ACSM1: variants seen among roughly 807,000 people sequenced by gnomAD.
ACSM1 encodes the protein acyl-coenzyme A synthetase ACSM1, mitochondrial.
Under a neutral mutation model 75.8 loss-of-function variants are expected in ACSM1, and 79 were observed. The observed-to-expected ratio is 1.04, with a 90% CI of 0.87 to 1.26. The LOEUF is 1.26. Among genes scored for constraint, ACSM1 ranks in the 50% most tolerant of loss-of-function variants. ACSM1 has a pLI of 0.00. For synonymous variants in ACSM1, 279 were observed against 265.8 expected, an observed-to-expected ratio of 1.05 and a Z score of -0.48; for missense variants, 676 against 720.1, an observed-to-expected ratio of 0.94 and a Z score of 0.70.
chr16:20,627,370 G>A (rs1307242134), intron 10 of ACSM1, 54 bp from the exon 11 acceptor site: 2 of 1,515,188 alleles, frequency 1.3e-6, no homozygotes, highest in African/African-American at 2.9e-5. Context: ...GAGGTGATGA[G>A]CCACAACCTT....
intron 4 of ACSM1, 123 bp downstream of exon 4, chr16:20,682,133 C>T: frequency 1.1e-6 from 1 of 899,074 alleles, no homozygotes. Context: ...GGATGTTAAT[C>T]TGACTGGGCT....
chr16:20,696,576 T>A (rs8048603), intron 1 of ACSM1, among the ~76,000 whole-genome samples: 64,844 of 152,156 alleles, frequency 0.43, 16,360 homozygotes, highest in Non-Finnish European at 0.58. Context: ...CTATTGGAGA[T>A]TAATTAAACT....
In ACSM1 at chr16:20,625,531, T is replaced by C; in HGVS notation, c.1428-9A>G. 1 of 1,612,778 alleles carries C rather than the reference T, an allele frequency of 6.2e-7. No individual in the cohort carries two copies. Reference sequence around the variant, plus strand: ...CAGGCCCGATGCGATACCTGGAGGATGAAGGGTTCTGAGGCAGATGCCAGG... The same window carrying C: ...CAGGCCCGATGCGATACCTGGAGGACGAAGGGTTCTGAGGCAGATGCCAGG... On this transcript the variant is annotated splice_polypyrimidine_tract_variant and intron_variant, in intron 11 of 13. Coordinates refer to ENST00000520010, the MANE Select transcript of ACSM1 (RefSeq NM_001318890.3).
Position 20,632,680 on chromosome 16 carries a change from T to C in ACSM1, c.1299+4059A>G, listed in dbSNP as rs1017276011. Among the ~76,000 whole-genome samples, 6 of 152,290 alleles carry C rather than the reference T, an allele frequency of 3.9e-5. No homozygotes were observed. In the Middle Eastern group the frequency reaches 0.017, roughly 432 times the overall value. On this transcript the variant is annotated intron_variant, in intron 10 of 13. Transcript: ENST00000520010. ...TAAAGAAAAGGAAAAATTTTATAAGTCAATCTATGAGGCCAGCATTACCCT... is the reference window on the plus strand; with the variant it reads ...TAAAGAAAAGGAAAAATTTTATAAGCCAATCTATGAGGCCAGCATTACCCT...
intron 7 of ACSM1, among the ~76,000 whole-genome samples, chr16:20,661,360 A>G (rs1029818033): frequency 6.6e-6 from 1 of 152,166 alleles, no homozygotes; most frequent in Non-Finnish European, 1.5e-5. Flanking sequence ...GTTCCTTAGG[A>G]GGTAAATTAT....
At chr16:20,673,227 C>A (rs949765469) in intron 4 of ACSM1, among the ~76,000 whole-genome samples, 2 of 151,664 alleles carry the variant, frequency 1.3e-5, no homozygotes, top group Admixed American at 6.6e-5. Flanking sequence ...TCAGGAGCTT[C>A]CCCTGGACTG....
At chr16:20,694,245 A>T (rs2079678111) in intron 1 of ACSM1, among the ~76,000 whole-genome samples, 1 of 152,260 alleles carries the variant, frequency 6.6e-6, no homozygotes, top group Admixed American at 6.5e-5. Flanking sequence ...TGGAAACCGG[A>T]CACAGCAGTA....
chr16:20,654,732 A>G (rs1192266185), intron 7 of ACSM1, among the ~76,000 whole-genome samples: 1 of 152,234 alleles, frequency 6.6e-6, no homozygotes, highest in Non-Finnish European at 1.5e-5. Flanking sequence ...AATGGCGATC[A>G]TTAAAAAGTC....
intron 7 of ACSM1, among the ~76,000 whole-genome samples, chr16:20,641,667 C>A (rs531668920): frequency 6.4e-4 from 98 of 152,302 alleles, no homozygotes; most frequent in African/African-American, 2.3e-3. Context: ...TCTTGATGGC[C>A]CCCTGGTCCC....
chr16:20,691,749 CAATGTGTG>C (rs1002652734), intron 1 of ACSM1, among the ~76,000 whole-genome samples: 9 of 122,590 alleles, frequency 7.3e-5, no homozygotes, highest in African/African-American at 3.1e-4. Context: ...AATACCTCTC[CAATGTGTG>C]TGTGTGTGTG....
At chr16:20,640,424 G>T in intron 8 of ACSM1, 37 bp downstream of exon 8, 1 of 1,611,510 alleles carries the variant, frequency 6.2e-7, no homozygotes, top group Non-Finnish European at 8.5e-7. Flanking sequence ...AATTAATTGA[G>T]ACCTGTCTCA....
At chr16:20,686,657 C>T (rs1335752768) in intron 2 of ACSM1, among the ~76,000 whole-genome samples, 1 of 151,842 alleles carries the variant, frequency 6.6e-6, no homozygotes, top group Non-Finnish European at 1.5e-5. Context: ...TAAATAAAAG[C>T]TAAATATAGA....
At chr16:20,657,090 G>C (rs753744654) in intron 7 of ACSM1, among the ~76,000 whole-genome samples, 28 of 152,152 alleles carry the variant, frequency 1.8e-4, no homozygotes, top group South Asian at 4.2e-4. Context: ...CCAGTTATAA[G>C]TTGTGAAGAT....
chr16:20,660,565 C>G (rs2019244427), intron 7 of ACSM1, among the ~76,000 whole-genome samples: 1 of 152,114 alleles, frequency 6.6e-6, no homozygotes, highest in Non-Finnish European at 1.5e-5. Context: ...CCAAGGCCAT[C>G]ATGTGAGGAA....
chr16:20,624,172 T>C lies in ACSM1; in HGVS notation c.1571A>G (p.His524Arg), dbSNP rs747692723. Reference sequence around the variant, plus strand: ...TTCCTTGGTCAGCTGATCCTTGTCATGGGACAGGAACTGTGGGGTCAGGAC... The same window carrying C: ...TTCCTTGGTCAGCTGATCCTTGTCACGGGACAGGAACTGTGGGGTCAGGAC... ...FIVLTPQFLS[H>R]DKDQLTKELQ... Residue 524 changes from histidine (H) to arginine (R), a missense_variant, in exon 13 of 14, where the codon CAT becomes CGT. Physicochemically the swap from His to Arg is conservative, Grantham distance 29 (BLOSUM62 0). Transcript: ENST00000520010. The C allele has an allele frequency of 1.2e-6, 2 of 1,613,120 alleles. No homozygotes were observed. The highest frequency in any genetic ancestry group is 1.7e-6 in the Non-Finnish European group (2 of 1,179,368).
intron 1 of ACSM1, among the ~76,000 whole-genome samples, chr16:20,695,991 T>A (rs1187221797): frequency 2.0e-5 from 3 of 152,246 alleles, no homozygotes; most frequent in Non-Finnish European, 4.4e-5. Context: ...CATACAATTA[T>A]AATGACATAT....
intron 2 of ACSM1, among the ~76,000 whole-genome samples, chr16:20,689,724 T>A (rs988414477): frequency 2.0e-5 from 3 of 152,216 alleles, no homozygotes; most frequent in Non-Finnish European, 4.4e-5. Context: ...CTCCTCCTTT[T>A]ACTTCCTTCC....
intron 7 of ACSM1, among the ~76,000 whole-genome samples, chr16:20,641,243 T>C (rs1478263121): frequency 6.6e-6 from 1 of 152,208 alleles, no homozygotes; most frequent in Admixed American, 6.5e-5. Context: ...TATTTTGAAA[T>C]GGCTGCCATT....
At chr16:20,628,984 A>G (rs1339582463) in intron 10 of ACSM1, among the ~76,000 whole-genome samples, 1 of 152,204 alleles carries the variant, frequency 6.6e-6, no homozygotes, top group Non-Finnish European at 1.5e-5. Flanking sequence ...TTTTAAAAAC[A>G]TCAAATTACA....
Sources: gnomAD v4.1 joint callset for allele counts (sites outside exome capture counted in the v4.1 genomes callset) on GRCh38, gnomAD v4.1.1 for gene constraint, MANE v1.5 for transcripts, NCBI Gene and HGNC (gene_info 2026-07-23, HGNC 2026-07-21) for gene names.